Variants in MFSD12 observed in about 807,000 individuals in gnomAD.
MFSD12 encodes major facilitator superfamily domain-containing protein 12.
A neutral mutation model predicts 51.2 loss-of-function variants in MFSD12; 67 were observed. The observed-to-expected ratio is 1.31, with a 90% CI of 1.08 to 1.60. The LOEUF (loss-of-function observed/expected upper bound fraction) is 1.60, where lower values mean the gene tolerates loss of function less well. Ranked by LOEUF, MFSD12 falls within the 40% of genes most tolerant of loss-of-function variation. MFSD12 has a pLI of 0.00. For missense variants in MFSD12, 921 were observed against 673.0 expected (o/e 1.37, Z -4.08); for synonymous variants, 441 against 316.7 (o/e 1.39, Z -4.17).
chr19:3,543,925 A>G (rs1599817096), downstream of MFSD12: 4 of 1,551,018 alleles, frequency 2.6e-6, no homozygotes, highest in Non-Finnish European at 3.5e-6. Context: ...GGCACCACCC[A>G]GAACTACCGG....
chr19:3,557,448 G>A lies in MFSD12; in HGVS notation c.-45C>T, dbSNP rs1289339476. Reference sequence around the variant, plus strand: ...CCCCCACCCCCGGGCTCCGCGGAGGGTACCCTGGCCAGGCCTTCTTGGGTG... The same window carrying A: ...CCCCCACCCCCGGGCTCCGCGGAGGATACCCTGGCCAGGCCTTCTTGGGTG... On this transcript the variant is annotated 5_prime_UTR_variant, in exon 1 of 10. Coordinates refer to ENST00000355415, the MANE Select transcript of MFSD12 (RefSeq NM_174983.5). 7 of 1,166,114 alleles carry A rather than the reference G, an allele frequency of 6.0e-6. No individual in the cohort carries two copies. The highest frequency in any genetic ancestry group is 4.7e-5 in the Admixed American group (1 of 21,312). 72.2% of individuals were successfully genotyped at this position (1,166,114 alleles called of 1,614,324 possible).
rs553858232 is a variant in MFSD12, at chr19:3,555,419, C to A, written c.298+1687G>T. Among the ~76,000 whole-genome samples the A allele has an allele frequency of 3.3e-5, 5 of 152,180 alleles. No homozygotes were observed. In the East Asian group the frequency reaches 9.7e-4, roughly 30 times the overall value. Reference sequence around the variant, plus strand: ...CGGCCCGCCCAGAAATTATCTTACGCGACTGTCAAAGAGCTTATCCAACTA... The same window carrying A: ...CGGCCCGCCCAGAAATTATCTTACGAGACTGTCAAAGAGCTTATCCAACTA... On this transcript the variant is annotated intron_variant, in intron 1 of 9. Transcript: ENST00000355415.
downstream of MFSD12, among the ~76,000 whole-genome samples, chr19:3,541,400 GCA>G (rs2030400560): frequency 6.7e-6 from 1 of 150,218 alleles, no homozygotes; most frequent in Non-Finnish European, 1.5e-5. Context: ...TCAGCTCACT[GCA>G]ACCTCTGCCT....
At chr19:3,546,230 A>G (rs766810177) in intron 7 of MFSD12, 25 bp downstream of exon 7, 5 of 1,604,068 alleles carry the variant, frequency 3.1e-6, no homozygotes, top group Middle Eastern at 1.6e-4. Flanking sequence ...GGCCTCCCCC[A>G]CCCCAGCCTG....
At chr19:3,542,872 C>G (rs777350183), downstream of MFSD12, 2 of 1,393,688 alleles carry the variant, frequency 1.4e-6, no homozygotes, top group Non-Finnish European at 1.9e-6. Context: ...GGGGGCTTCC[C>G]AGAGGAAGGG....
At chr19:3,556,218 C>T (rs556330680) in intron 1 of MFSD12, among the ~76,000 whole-genome samples, 2 of 152,368 alleles carry the variant, frequency 1.3e-5, no homozygotes, top group Admixed American at 1.3e-4. Flanking sequence ...GGGGGCCTGA[C>T]TGTCCCTCAG....
chr19:3,544,078 G>A (rs1051171476), downstream of MFSD12: 8 of 1,458,060 alleles, frequency 5.5e-6, no homozygotes, highest in African/African-American at 1.4e-5. Context: ...TAGTCCCAGG[G>A]GACCAGAGGC....
Position 3,544,834 on chromosome 19 carries a change from C to A in MFSD12, c.1395G>T (p.Leu465=). The change falls in exon 9 of 10, where the codon CTG becomes CTT. Residue 465 remains leucine (L), a synonymous_variant. Coordinates refer to ENST00000355415, the MANE Select transcript of MFSD12 (RefSeq NM_174983.5). ...AGCGTCGCAGGCGGGTCGGCCACAG[C>A]AGGAGGCTACAGAGACACAGGGCAG... ...VAAALCLCSL[L]LWPTRLRRWD... 1 of 1,612,428 alleles carries A rather than the reference C, an allele frequency of 6.2e-7. No homozygotes were observed. The highest frequency in any genetic ancestry group is 1.7e-5 in the Admixed American group (1 of 59,980).
chr19:3,547,368 C>T lies in MFSD12; in HGVS notation c.931-4G>A, dbSNP rs772678476. 30 of 1,613,070 alleles carry T rather than the reference C, an allele frequency of 1.9e-5. No individual in the cohort carries two copies. The highest frequency in any genetic ancestry group is 4.5e-5 in the East Asian group (2 of 44,888). On this transcript the variant is annotated splice_region_variant and splice_polypyrimidine_tract_variant and intron_variant, in intron 5 of 9. Transcript: ENST00000355415. ...GGGGAATGGTCGCGATGAACTTCTGCGGAGGCAGAGCCAGGCATGCCGTGT... is the reference window on the plus strand; with the variant it reads ...GGGGAATGGTCGCGATGAACTTCTGTGGAGGCAGAGCCAGGCATGCCGTGT...
At chr19:3,545,178 C>G (rs560422753) in intron 8 of MFSD12, among the ~76,000 whole-genome samples, 1 of 152,176 alleles carries the variant, frequency 6.6e-6, no homozygotes, top group Non-Finnish European at 1.5e-5. Flanking sequence ...TCCTCATGGT[C>G]CAGCCCCAGC....
intron 9 of MFSD12, 27 bp downstream of exon 9, chr19:3,544,782 G>A: frequency 6.2e-7 from 1 of 1,609,028 alleles, no homozygotes; most frequent in South Asian, 1.1e-5. Context: ...TCAGTGTCTG[G>A]GGAGGGAGGG....
Position 3,551,151 on chromosome 19 carries a change from G to A in MFSD12, c.342C>T (p.Pro114=). 1.9e-6 allele frequency: 3 copies of A among 1,612,576 alleles called. No individual in the cohort carries two copies. The highest frequency in any genetic ancestry group is 2.5e-6 in the Non-Finnish European group (3 of 1,179,822). The change falls in exon 2 of 10, where the codon CCC becomes CCT. Residue 114 remains proline (P), a synonymous_variant. Transcript: ENST00000355415. This position sits in a 1 kb window ranked among gnomAD's most constrained non-coding sequence, Gnocchi z 4.6. The part of the protein sequence containing the change: ...VLLSFPFIFS[P]CLGCGAATPE... ...GCGTGGCCGCCCCACAGCCCAGGCA[G>A]GGGCTGAAGATGAAGGGGAAGGACA... is the stretch of plus-strand genomic sequence containing the variant.
intron 1 of MFSD12, among the ~76,000 whole-genome samples, chr19:3,555,141 G>A (rs1161937599): frequency 2.0e-5 from 3 of 152,138 alleles, no homozygotes; most frequent in Non-Finnish European, 2.9e-5. Context: ...TTTTTAGACA[G>A]ACTCTCGCTG....
intron 2 of MFSD12, among the ~76,000 whole-genome samples, chr19:3,549,111 A>G (rs1288291696): frequency 6.6e-6 from 1 of 152,192 alleles, no homozygotes; most frequent in East Asian, 1.9e-4. Context: ...GATTCATGTT[A>G]AGGGCCTATA....
chr19:3,547,093 C>T (rs1451489651), intron 6 of MFSD12, among the ~76,000 whole-genome samples, 179 bp downstream of exon 6: 1 of 152,212 alleles, frequency 6.6e-6, no homozygotes, highest in African/African-American at 2.4e-5. Context: ...CCGCCTCGGC[C>T]TCCCAAAGTG....
At position 3,544,579 on chromosome 19, in the gene MFSD12, A is replaced by G; in HGVS notation, c.*131T>C. On this transcript the variant is annotated 3_prime_UTR_variant, in exon 10 of 10. Coordinates refer to ENST00000355415, the MANE Select transcript of MFSD12 (RefSeq NM_174983.5). ...GCCCTCACCCGACCCCACCCCCGGG[A>G]GCTGGGTGAGGATGGAGGGTGGGGG... 1.4e-6 allele frequency: 2 copies of G among 1,461,436 alleles called. No individual in the cohort carries two copies. The highest frequency in any genetic ancestry group is 2.6e-4 in the Middle Eastern group (1 of 3,910). 90.5% of individuals were successfully genotyped at this position (1,461,436 alleles called of 1,614,324 possible).
rs529303378 is a variant in MFSD12, at chr19:3,551,655, G to T, written c.299-461C>A. Among the ~76,000 whole-genome samples, 3 of 152,286 alleles carry T rather than the reference G, an allele frequency of 2.0e-5. No homozygotes were observed. The highest frequency in any genetic ancestry group is 1.5e-5 in the Non-Finnish European group (1 of 68,016). Reference sequence around the variant, plus strand: ...ATGCTGGGGCGTCCTGGCCTCCAGGGACAGTCAGGAAATAGCACCCGCCCC... The same window carrying T: ...ATGCTGGGGCGTCCTGGCCTCCAGGTACAGTCAGGAAATAGCACCCGCCCC... On this transcript the variant is annotated intron_variant, in intron 1 of 9. Transcript: ENST00000355415. The surrounding 1 kb of genome is among the most constrained non-coding windows in gnomAD (Gnocchi z 4.6).
chr19:3,542,309 C>CCTGACT, downstream of MFSD12: 2 of 985,392 alleles, frequency 2.0e-6, no homozygotes, highest in Non-Finnish European at 1.2e-6. Flanking sequence ...AGGATTTAAG[C>CCTGACT]AGAGTTCCTG....
chr19:3,555,820 C>T (rs1255873750), intron 1 of MFSD12, among the ~76,000 whole-genome samples: 1 of 152,206 alleles, frequency 6.6e-6, no homozygotes, highest in Non-Finnish European at 1.5e-5. Context: ...GTCCCAAATG[C>T]CAGGACGCAG....
Sources: allele counts gnomAD v4.1 joint callset (sites outside exome capture counted in the v4.1 genomes callset), GRCh38; gene constraint gnomAD v4.1.1; non-coding constraint Gnocchi (gnomAD v3.1); transcripts MANE v1.5; gene names NCBI Gene and HGNC (gene_info 2026-07-23, HGNC 2026-07-21).